The following EXOC4 variants were observed in gnomAD, a reference collection of about 807,000 sequenced individuals.
EXOC4 encodes the protein SEC8-like 1.
A neutral mutation model predicts 107.2 loss-of-function variants in EXOC4; 71 were observed. The ratio of observed to expected loss-of-function variants is 0.66; its 90% CI spans 0.55 to 0.81. The LOEUF (loss-of-function observed/expected upper bound fraction) is 0.81. Among genes scored for constraint, EXOC4 ranks in the 30% least tolerant of loss-of-function variants. EXOC4 has a pLI of 0.00. For synonymous variants in EXOC4, 456 were observed against 441.2 expected (o/e 1.03, Z -0.42); for missense variants, 1,108 against 1,189.6 (o/e 0.93, Z 1.01).
chr7:134,044,576 A>T (rs1348528558), intron 17 of EXOC4, among the ~76,000 whole-genome samples: 1 of 152,140 alleles, frequency 6.6e-6, no homozygotes, highest in Non-Finnish European at 1.5e-5. Flanking sequence ...AACAGCGTCA[A>T]CTCAACTGAG....
At position 134,065,073 on chromosome 7, in the gene EXOC4, T is replaced by G. The variant is rs567480860; in HGVS notation, c.*545T>G. ...TTCTCAGCTGCTGTTTACAACAAAC[T>G]TCCCTAACCAAAACAGAACCTCTAA... On this transcript the variant is annotated 3_prime_UTR_variant, in exon 18 of 18. Coordinates refer to ENST00000253861, the MANE Select transcript of EXOC4 (RefSeq NM_021807.4). 1 of 152,744 alleles carries G rather than the reference T, an allele frequency of 6.5e-6. No homozygotes were observed. The highest frequency in any genetic ancestry group is 1.9e-4 in the East Asian group (1 of 5,168). The allele number at this position is 152,744 out of a possible 1,614,324, so 9.5% of individuals were successfully genotyped here. A position where few individuals can be genotyped will look rare whatever the true frequency, so the allele number is the denominator to read the frequency against.
chr7:133,493,296 A>T (rs1799410621), intron 9 of EXOC4, among the ~76,000 whole-genome samples: 1 of 152,042 alleles, frequency 6.6e-6, no homozygotes, highest in African/African-American at 2.4e-5. Context: ...AATTAGCTGG[A>T]CATGGTGGCA....
chr7:133,353,747 T>A (rs1478988905), intron 5 of EXOC4, among the ~76,000 whole-genome samples: 1 of 152,072 alleles, frequency 6.6e-6, no homozygotes, highest in African/African-American at 2.4e-5. Flanking sequence ...CTCTTTCTTC[T>A]CCTTTCAGAG....
rs562750942 is a variant in EXOC4, at chr7:133,993,258, T to C, written c.2207-4234T>C. On this transcript the variant is annotated intron_variant, in intron 14 of 17. Coordinates refer to ENST00000253861, the MANE Select transcript of EXOC4 (RefSeq NM_021807.4). The stretch of plus-strand genomic sequence containing the variant: ...CTAGTTTTGGTATCAGCGAACAATA[T>C]GTTCTTTTGTTTTCCTGTCAAATGA... Among the ~76,000 whole-genome samples, 5 of 152,314 alleles carry C rather than the reference T, an allele frequency of 3.3e-5. No homozygotes were observed. In the East Asian group the frequency reaches 9.6e-4, roughly 29 times the overall value.
chr7:133,276,615 GT>G (rs1364320636), intron 2 of EXOC4, among the ~76,000 whole-genome samples: 1 of 152,008 alleles, frequency 6.6e-6, no homozygotes, highest in Non-Finnish European at 1.5e-5. Flanking sequence ...CTCTTCTTTG[GT>G]TTTGGGGTGA....
chr7:134,020,031 ACACTTAGACCCGAGAC>A lies in EXOC4; in HGVS notation c.2687+12201_2687+12216del, dbSNP rs1389133124. Among the ~76,000 whole-genome samples, 4 of 152,226 alleles carry A rather than the reference ACACTTAGACCCGAGAC, an allele frequency of 2.6e-5. No homozygotes were observed. The East Asian group carries it at 7.7e-4, about 29-fold the overall frequency. Reference sequence around the variant, plus strand: ...TCCAAACAACTGTCCTTGGGGAGCAACACTTAGACCCGAGACCACTCTCTCAGAATCTCACCACAAA... The same window carrying A: ...TCCAAACAACTGTCCTTGGGGAGCAACACTCTCTCAGAATCTCACCACAAA... On this transcript the variant is annotated intron_variant, in intron 17 of 17. Coordinates refer to ENST00000253861, the MANE Select transcript of EXOC4 (RefSeq NM_021807.4).
intron 9 of EXOC4, among the ~76,000 whole-genome samples, chr7:133,541,128 A>G (rs1414813373): frequency 6.6e-6 from 1 of 152,196 alleles, no homozygotes; most frequent in Non-Finnish European, 1.5e-5. Flanking sequence ...AATTAAGCTA[A>G]TTATAGTCAT....
intron 17 of EXOC4, among the ~76,000 whole-genome samples, chr7:134,043,413 C>T (rs1222041307): frequency 1.3e-5 from 2 of 152,214 alleles, no homozygotes; most frequent in Non-Finnish European, 2.9e-5. Flanking sequence ...TAAACATTTA[C>T]ACCCCCCAGC....
chr7:133,592,919 G>C (rs1801583978), intron 9 of EXOC4, among the ~76,000 whole-genome samples: 1 of 152,016 alleles, frequency 6.6e-6, no homozygotes, highest in Non-Finnish European at 1.5e-5. Context: ...GCTACTTTTT[G>C]TATTTTTAGT....
chr7:133,992,965 T>C (rs1038518722), intron 14 of EXOC4, among the ~76,000 whole-genome samples: 1 of 151,972 alleles, frequency 6.6e-6, no homozygotes, highest in Non-Finnish European at 1.5e-5. Flanking sequence ...TGAAGGGATA[T>C]TGAATTTTAT....
chr7:133,362,501 C>A (rs1458434456), intron 6 of EXOC4, among the ~76,000 whole-genome samples: 1 of 152,154 alleles, frequency 6.6e-6, no homozygotes, highest in Non-Finnish European at 1.5e-5. Context: ...TTTTTTTCCT[C>A]CTGGTTTCTC....
intron 10 of EXOC4, among the ~76,000 whole-genome samples, chr7:133,697,031 G>A (rs1794549736): frequency 6.6e-6 from 1 of 152,156 alleles, no homozygotes; most frequent in African/African-American, 2.4e-5. Flanking sequence ...ATGTTACTTA[G>A]GGAACTTTGA....
At chr7:133,693,688 A>G (rs560867379) in intron 10 of EXOC4, among the ~76,000 whole-genome samples, 58 of 152,334 alleles carry the variant, frequency 3.8e-4, no homozygotes, top group Middle Eastern at 3.4e-3. Context: ...AATGCTGTCT[A>G]TATTCTCGGC....
intron 9 of EXOC4, among the ~76,000 whole-genome samples, chr7:133,591,571 T>TGTGTGTGTGTGTGTGTGTGTGTGTGTGC (rs1801547514): frequency 2.0e-5 from 3 of 150,216 alleles, no homozygotes; most frequent in African/African-American, 7.4e-5. Context: ...TGTGTGTGCG[T>TGTGTGTGTGTGTGTGTGTGTGTGTGTGC]GTGTGTGTGT....
At chr7:133,294,310 T>G (rs1043598731) in intron 3 of EXOC4, among the ~76,000 whole-genome samples, 1 of 152,182 alleles carries the variant, frequency 6.6e-6, no homozygotes, top group Admixed American at 6.5e-5. Context: ...TGCATCAAAC[T>G]AAAATTGCAC....
the EXOC4 span, among the ~76,000 whole-genome samples, chr7:134,076,144 G>C: frequency 2.6e-5 from 4 of 152,094 alleles, no homozygotes; most frequent in African/African-American, 9.7e-5. Flanking sequence ...GAGAATAAGA[G>C]CCAAATTTAG....
intron 6 of EXOC4, among the ~76,000 whole-genome samples, chr7:133,361,266 C>T (rs1034499390): frequency 6.6e-6 from 1 of 152,060 alleles, no homozygotes; most frequent in East Asian, 1.9e-4. Context: ...TTTTTGCTTA[C>T]CTCTGTATTG....
intron 10 of EXOC4, among the ~76,000 whole-genome samples, chr7:133,694,886 A>G (rs958606114): frequency 3.3e-5 from 5 of 152,192 alleles, no homozygotes; most frequent in Middle Eastern, 3.4e-3. Context: ...GCAATGGCGC[A>G]ATCTCAGCTC....
intron 11 of EXOC4, among the ~76,000 whole-genome samples, chr7:133,842,507 T>A (rs1185516155): frequency 6.6e-6 from 1 of 152,244 alleles, no homozygotes; most frequent in Admixed American, 6.5e-5. Context: ...GATTATTGCT[T>A]GTAAATTTGT....
Sources: allele counts gnomAD v4.1 joint callset (sites outside exome capture counted in the v4.1 genomes callset), GRCh38; gene constraint gnomAD v4.1.1; transcripts MANE v1.5; gene names NCBI Gene and HGNC (gene_info 2026-07-23, HGNC 2026-07-21).